Variants in KATNAL1 observed in about 807,000 individuals in gnomAD.
KATNAL1 encodes katanin p60 ATPase-containing subunit A-like 1.
In KATNAL1, 32 loss-of-function variants were observed where a neutral mutation model predicts 55.2. The ratio of observed to expected loss-of-function variants is 0.58; its 90% CI spans 0.44 to 0.78. KATNAL1 has a LOEUF of 0.78. Among genes scored for constraint, KATNAL1 ranks in the 30% least tolerant of loss-of-function variants. The probability of loss-of-function intolerance (pLI) is 0.00; values close to 1 mark genes in which losing one functional copy is unlikely to be tolerated. For synonymous variants in KATNAL1, 193 were observed against 193.6 expected (o/e 1.00, Z 0.02); for missense variants, 466 against 600.9 (o/e 0.78, Z 2.35).
intron 9 of KATNAL1, among the ~76,000 whole-genome samples, chr13:30,225,125 A>G (rs1408131164): frequency 6.6e-6 from 1 of 152,178 alleles, no homozygotes; most frequent in Non-Finnish European, 1.5e-5. Context: ...CTTCTGTAGG[A>G]AAGTCCATTC....
chr13:30,287,222 T>A (rs772855282), intron 1 of KATNAL1, among the ~76,000 whole-genome samples: 1 of 152,186 alleles, frequency 6.6e-6, no homozygotes. Flanking sequence ...ATGGTTTGGC[T>A]CTGTGTTCCC....
rs1309522000 is a variant in KATNAL1 at position 30,204,966 on chromosome 13, T to C, written c.*3574A>G. On this transcript the variant is annotated 3_prime_UTR_variant, in exon 11 of 11. Transcript: ENST00000380615. ...GCTTCCATTAAAGAGGTGTTTATTTTACTAATATTAATTTCCTTTAAAAAA... is the reference window on the plus strand; with the variant it reads ...GCTTCCATTAAAGAGGTGTTTATTTCACTAATATTAATTTCCTTTAAAAAA... 1 of 152,196 alleles carries C rather than the reference T, an allele frequency of 6.6e-6. No individual in the cohort carries two copies. Among genetic ancestry groups the C allele is most frequent in the Admixed American group, 6.5e-5 (1 of 15,276 alleles). 9.4% of individuals were successfully genotyped at this position (152,196 alleles called of 1,614,324 possible).
At chr13:30,282,145 C>T (rs1033629319) in intron 2 of KATNAL1, among the ~76,000 whole-genome samples, 7 of 151,146 alleles carry the variant, frequency 4.6e-5, no homozygotes, top group African/African-American at 4.9e-5. Flanking sequence ...ATTTAAAAAA[C>T]GGTAAGTAGG....
chr13:30,274,031 G>A (rs561129047), intron 3 of KATNAL1, among the ~76,000 whole-genome samples: 8 of 152,158 alleles, frequency 5.3e-5, no homozygotes, highest in Non-Finnish European at 1.2e-4. Flanking sequence ...TATGTGGGAC[G>A]GCACCAGGCA....
At chr13:30,280,855 C>T (rs559028675) in intron 2 of KATNAL1, among the ~76,000 whole-genome samples, 1 of 152,012 alleles carries the variant, frequency 6.6e-6, no homozygotes. Flanking sequence ...TGAACACATA[C>T]TATGAGGAAA....
intron 3 of KATNAL1, among the ~76,000 whole-genome samples, chr13:30,270,061 C>T (rs1353100728): frequency 1.5e-5 from 2 of 130,856 alleles, no homozygotes; most frequent in African/African-American, 5.8e-5. Context: ...CCGCCCCATC[C>T]GGGAGGGAGG....
rs1054267871 is a variant in KATNAL1 at position 30,283,669 on chromosome 13, G to C, written c.109C>G (p.Gln37Glu). The change falls in exon 2 of 11, where the codon CAG becomes GAG. Residue 37 changes from glutamine to glutamate, a missense_variant. By Grantham distance (29) the Gln-to-Glu change is conservative. This residue lies in a region of KATNAL1 where 248 missense variants were observed against 275.5 expected (regional missense o/e 0.90). Transcript: ENST00000380615. Reference sequence around the variant, plus strand: ...TCTCTGACTGACTGGCAATGTCTCTGAATCTGCTGCATCACCCCCTGGTAA... The same window carrying C: ...TCTCTGACTGACTGGCAATGTCTCTCAATCTGCTGCATCACCCCCTGGTAA... ...VYYQGVMQQI[Q>E]RHCQSVRDPA... The C allele has an allele frequency of 3.1e-6, 5 of 1,613,832 alleles. No individual in the cohort carries two copies. The African/African-American group carries it at 4.0e-5, about 13-fold the overall frequency.
chr13:30,232,666 A>G (rs1876223749), intron 6 of KATNAL1, among the ~76,000 whole-genome samples: 1 of 152,170 alleles, frequency 6.6e-6, no homozygotes, highest in Admixed American at 6.5e-5. Flanking sequence ...CACCTCCTAT[A>G]GGAGTTAATT....
intron 4 of KATNAL1, among the ~76,000 whole-genome samples, chr13:30,247,209 T>C (rs666245): frequency 0.32 from 48,714 of 151,964 alleles, 8,317 homozygotes; most frequent in Admixed American, 0.45. Context: ...TGGGCTACTC[T>C]TACCCCAGTG....
At chr13:30,226,828 G>C (rs1315903624) in intron 9 of KATNAL1, among the ~76,000 whole-genome samples, 1 of 152,182 alleles carries the variant, frequency 6.6e-6, no homozygotes. Context: ...GGTAATCCCA[G>C]CACTTTATGA....
At chr13:30,255,098 C>G (rs2137461501) in intron 4 of KATNAL1, among the ~76,000 whole-genome samples, 1 of 152,252 alleles carries the variant, frequency 6.6e-6, no homozygotes, top group Non-Finnish European at 1.5e-5. Flanking sequence ...GATACATCTA[C>G]CTTCTTGTCT....
In KATNAL1 at chr13:30,210,450, A is replaced by G. The variant is rs1873575816; in HGVS notation, c.1148-8T>C. 3 of 1,595,920 alleles carry G rather than the reference A, an allele frequency of 1.9e-6. No individual in the cohort carries two copies. Among genetic ancestry groups the G allele is most frequent in the South Asian group, 2.3e-5 (2 of 87,130 alleles). Reference sequence around the variant, plus strand: ...GCTCAGCTCTTCCTTTTGCTGTTACAAGATTTTGGTGGTGTTGTTAGATGT... The same window carrying G: ...GCTCAGCTCTTCCTTTTGCTGTTACGAGATTTTGGTGGTGTTGTTAGATGT... On this transcript the variant is annotated splice_region_variant and splice_polypyrimidine_tract_variant and intron_variant, in intron 9 of 10. Transcript: ENST00000380615.
intron 3 of KATNAL1, among the ~76,000 whole-genome samples, chr13:30,256,384 A>G (rs1878789803): frequency 6.6e-6 from 1 of 152,184 alleles, no homozygotes; most frequent in Non-Finnish European, 1.5e-5. Flanking sequence ...GATTCTTGGG[A>G]AAGGGACTCT....
chr13:30,238,286 C>T (rs1876896582), intron 6 of KATNAL1, among the ~76,000 whole-genome samples: 1 of 152,152 alleles, frequency 6.6e-6, no homozygotes, highest in Admixed American at 6.5e-5. Flanking sequence ...TCACTATATC[C>T]TATGAGATAA....
chr13:30,243,370 A>G (rs1877461306), intron 4 of KATNAL1, among the ~76,000 whole-genome samples: 1 of 152,162 alleles, frequency 6.6e-6, no homozygotes, highest in Admixed American at 6.5e-5. Flanking sequence ...TGTTTCTTAC[A>G]TTTTACTATG....
intron 1 of KATNAL1, among the ~76,000 whole-genome samples, chr13:30,286,130 T>C (rs781007798): frequency 6.6e-6 from 1 of 152,104 alleles, no homozygotes; most frequent in African/African-American, 2.4e-5. Flanking sequence ...GACAATGCAA[T>C]AGAAAAGAAA....
chr13:30,234,589 T>C (rs1010266405), intron 6 of KATNAL1, among the ~76,000 whole-genome samples: 5 of 152,140 alleles, frequency 3.3e-5, no homozygotes, highest in African/African-American at 9.7e-5. Flanking sequence ...ATTCTAAACC[T>C]TTCCCTTTAC....
chr13:30,203,035 A>G lies in KATNAL1; in HGVS notation c.*5505T>C, dbSNP rs1335423947. The G allele has an allele frequency of 1.3e-5, 2 of 152,222 alleles. No homozygotes were observed. Among genetic ancestry groups the G allele is most frequent in the Non-Finnish European group, 2.9e-5 (2 of 68,038 alleles). The allele number at this position is 152,222 out of a possible 1,614,324, so 9.4% of individuals were successfully genotyped here. A position where few individuals can be genotyped will look rare whatever the true frequency, so the allele number is the denominator to read the frequency against. On this transcript the variant is annotated 3_prime_UTR_variant, in exon 11 of 11. Transcript: ENST00000380615. Reference sequence around the variant, plus strand: ...GAGAATGAACATAGGAACATGTAGGATCCACAATTTTTAATGTCATCAGGT... The same window carrying G: ...GAGAATGAACATAGGAACATGTAGGGTCCACAATTTTTAATGTCATCAGGT...
At chr13:30,240,327 T>A (rs970307293) in intron 6 of KATNAL1, 133 bp downstream of exon 6, 2 of 608,196 alleles carry the variant, frequency 3.3e-6, no homozygotes, top group African/African-American at 3.7e-5. Flanking sequence ...CAAATCCAGG[T>A]GTTTTGGGTG....
Sources: allele counts gnomAD v4.1 joint callset (sites outside exome capture counted in the v4.1 genomes callset), GRCh38; gene constraint gnomAD v4.1.1; regional missense constraint gnomAD v4.1.1; transcripts MANE v1.5; gene names NCBI Gene and HGNC (gene_info 2026-07-23, HGNC 2026-07-21).